The following GRID2 variants were observed in gnomAD, a reference collection of about 807,000 sequenced individuals.
GRID2 encodes the protein glutamate receptor ionotropic, delta-2.
A neutral mutation model predicts 114.8 loss-of-function variants in GRID2; 33 were observed. The ratio of observed to expected loss-of-function variants is 0.29; its 90% CI spans 0.22 to 0.38. GRID2 has a LOEUF of 0.38. Among genes scored for constraint, GRID2 ranks in the 10% least tolerant of loss-of-function variants. The pLI is 1.00. For missense variants in GRID2, 1,184 were observed against 1,257.7 expected, an observed-to-expected ratio of 0.94 and a Z score of 0.89; for synonymous variants, 505 against 449.9, an observed-to-expected ratio of 1.12 and a Z score of -1.55.
At chr4:92,664,969 A>G (rs184769314) in intron 2 of GRID2, among the ~76,000 whole-genome samples, 2 of 149,200 alleles carry the variant, frequency 1.3e-5, no homozygotes, top group East Asian at 3.9e-4. Context: ...TTGATTTTAA[A>G]AGTCCACTCT....
chr4:92,765,124 T>C (rs1321723691), intron 2 of GRID2, among the ~76,000 whole-genome samples: 2 of 152,172 alleles, frequency 1.3e-5, no homozygotes, highest in African/African-American at 4.8e-5. Context: ...GGAATGTCTT[T>C]TGAGGAAAAA....
chr4:92,798,411 T>C (rs1290720362), intron 2 of GRID2, among the ~76,000 whole-genome samples: 5 of 152,058 alleles, frequency 3.3e-5, no homozygotes, highest in African/African-American at 1.2e-4. Flanking sequence ...TGAATGCTGT[T>C]GGTGTTAGTC....
intron 1 of GRID2, among the ~76,000 whole-genome samples, chr4:92,466,904 C>T (rs1721781737): frequency 1.3e-5 from 2 of 151,280 alleles, no homozygotes; most frequent in South Asian, 4.2e-4. Context: ...ACGATAATTC[C>T]TTATTTTATA....
rs1008206171 is a variant in GRID2 at position 92,648,545 on chromosome 4, T to G, written c.244+58259T>G. 8.0e-5 allele frequency among the ~76,000 whole-genome samples: 12 copies of G among 149,618 alleles called. 2 individuals are homozygous for G. The highest frequency in any genetic ancestry group is 2.5e-4 in the African/African-American group (10 of 39,862). On this transcript the variant is annotated intron_variant, in intron 2 of 15. Transcript: ENST00000282020. ...GCTGGGGGTTGAAAGAAACAGCCGT[T>G]TCTCCCTTCACTGAAGTTACATTCT...
chr4:92,713,518 T>TA lies in GRID2; in HGVS notation c.244+123232_244+123233insA, dbSNP rs59069189. Among the ~76,000 whole-genome samples the TA allele has an allele frequency of 2.7e-3, 321 of 119,182 alleles. 1 individual carries two copies. The highest frequency in any genetic ancestry group is 4.3e-3 in the Non-Finnish European group (252 of 59,138). 78.2% of individuals were successfully genotyped at this position (119,182 alleles called of 152,430 possible). On this transcript the variant is annotated intron_variant, in intron 2 of 15. Coordinates refer to ENST00000282020, the MANE Select transcript of GRID2 (RefSeq NM_001510.4). ...ATATATATATATATATATATATATA[T>TA]TACCAAAATTAGGTCTTGGATAGTG... is the stretch of plus-strand genomic sequence containing the variant.
intron 14 of GRID2, among the ~76,000 whole-genome samples, chr4:93,726,076 T>C (rs978547851): frequency 2.0e-5 from 3 of 152,200 alleles, no homozygotes; most frequent in African/African-American, 7.2e-5. Context: ...ATGTCCTGAA[T>C]GGTATTGCCT....
chr4:93,432,150 G>C (rs912944938), intron 10 of GRID2, among the ~76,000 whole-genome samples: 1 of 152,166 alleles, frequency 6.6e-6, no homozygotes. Context: ...ACAGATAAAA[G>C]AATAGATCAG....
chr4:93,318,775 T>C (rs1433676), intron 8 of GRID2: 51,617 of 152,056 alleles, frequency 0.34, 10,384 homozygotes, highest in African/African-American at 0.56. Flanking sequence ...TTATGCCATA[T>C]CTCCTCCTTC....
intron 4 of GRID2, among the ~76,000 whole-genome samples, chr4:93,187,138 A>G (rs111766968): frequency 3.0e-4 from 46 of 152,284 alleles, no homozygotes; most frequent in African/African-American, 1.1e-3. Flanking sequence ...TCATATGGTC[A>G]CTTTGATGAG....
chr4:93,476,907 C>T (rs1725373443), intron 11 of GRID2, among the ~76,000 whole-genome samples: 1 of 152,088 alleles, frequency 6.6e-6, no homozygotes, highest in Admixed American at 6.6e-5. Context: ...TAAACAAATA[C>T]ATTTTTGTTG....
intron 1 of GRID2, among the ~76,000 whole-genome samples, chr4:92,363,404 A>C (rs1728706625): frequency 6.6e-6 from 1 of 152,078 alleles, no homozygotes; most frequent in African/African-American, 2.4e-5. Flanking sequence ...GAACTCTTGA[A>C]GGTCACCTTT....
intron 1 of GRID2, among the ~76,000 whole-genome samples, chr4:92,352,734 C>A (rs546657367): frequency 5.3e-5 from 8 of 152,032 alleles, no homozygotes; most frequent in Admixed American, 4.6e-4. Flanking sequence ...CTATCTAAGT[C>A]TTTTGCCTAT....
At chr4:93,160,440 T>C (rs1013072162) in intron 4 of GRID2, among the ~76,000 whole-genome samples, 3 of 151,812 alleles carry the variant, frequency 2.0e-5, no homozygotes, top group African/African-American at 7.2e-5. Context: ...TATAATTTTG[T>C]TAGTCTTACC....
At chr4:92,917,335 CT>C (rs1748892765) in intron 2 of GRID2, among the ~76,000 whole-genome samples, 1 of 152,192 alleles carries the variant, frequency 6.6e-6, no homozygotes, top group Non-Finnish European at 1.5e-5. Context: ...ATGGTAGTTT[CT>C]TTTGCTGTGC....
chr4:92,782,160 C>T (rs1173402869), intron 2 of GRID2, among the ~76,000 whole-genome samples: 1 of 151,918 alleles, frequency 6.6e-6, no homozygotes, highest in Non-Finnish European at 1.5e-5. Context: ...CTGTTGTCCT[C>T]AAAGGGCTGA....
intron 14 of GRID2, among the ~76,000 whole-genome samples, chr4:93,652,601 T>C (rs1358298959): frequency 6.6e-6 from 1 of 151,842 alleles, no homozygotes; most frequent in Non-Finnish European, 1.5e-5. Context: ...TTTGTGTAAC[T>C]ACACTCCATA....
chr4:92,416,093 C>G (rs1177754418), intron 1 of GRID2, among the ~76,000 whole-genome samples: 1 of 151,916 alleles, frequency 6.6e-6, no homozygotes, highest in East Asian at 1.9e-4. Flanking sequence ...TTACTTATGG[C>G]CATTCTTGCA....
At chr4:92,775,010 G>A (rs1336128313) in intron 2 of GRID2, among the ~76,000 whole-genome samples, 1 of 152,122 alleles carries the variant, frequency 6.6e-6, no homozygotes, top group Non-Finnish European at 1.5e-5. Flanking sequence ...CAGAGTTTGT[G>A]TGGAGACTGG....
At chr4:92,792,640 A>G (rs780078565) in intron 2 of GRID2, among the ~76,000 whole-genome samples, 17 of 151,794 alleles carry the variant, frequency 1.1e-4, no homozygotes, top group Non-Finnish European at 2.5e-4. Context: ...TAAAAATGTA[A>G]TTGTTTGAAA....
Sources: allele counts gnomAD v4.1 joint callset (sites outside exome capture counted in the v4.1 genomes callset), GRCh38; gene constraint gnomAD v4.1.1; transcripts MANE v1.5; gene names NCBI Gene and HGNC (gene_info 2026-07-23, HGNC 2026-07-21).